The following CASK variants were observed in gnomAD, a reference collection of about 807,000 sequenced individuals.
CASK encodes the protein peripheral plasma membrane protein CASK.
A neutral mutation model predicts 82.9 loss-of-function variants in CASK; 4 were observed. The ratio of observed to expected loss-of-function variants is 0.05; its 90% CI spans 0.02 to 0.11. The LOEUF (loss-of-function observed/expected upper bound fraction) is 0.11. CASK is among the 10% of genes least tolerant of loss of function. The probability of loss-of-function intolerance (pLI) is 1.00; values close to 1 mark genes in which losing one functional copy is unlikely to be tolerated. For synonymous variants in CASK, 259 were observed against 253.5 expected (o/e 1.02, Z -0.20); for missense variants, 358 against 720.9 (o/e 0.50, Z 5.76).
chrX:41,852,303 A>T (rs1423206893), intron 2 of CASK, among the ~76,000 whole-genome samples: 2 of 111,619 alleles, frequency 1.8e-5, no homozygotes, highest in Admixed American at 1.9e-4. Context: ...ACACTGCCCT[A>T]GATTTTCCAA....
At chrX:41,782,247 G>A (rs2069493587) in intron 3 of CASK, among the ~76,000 whole-genome samples, 1 of 111,648 alleles carries the variant, frequency 9.0e-6, no homozygotes, top group South Asian at 3.7e-4. Flanking sequence ...CCAGTATGCT[G>A]GGGTTTATTA....
chrX:41,791,375 A>G (rs1457597375), intron 2 of CASK, among the ~76,000 whole-genome samples: 3 of 108,186 alleles, frequency 2.8e-5, no homozygotes, highest in African/African-American at 6.8e-5. Flanking sequence ...GCTCTGACAT[A>G]CTAGTGAGAA....
chrX:41,793,374 G>A (rs2069777381), intron 2 of CASK, among the ~76,000 whole-genome samples: 1 of 111,662 alleles, frequency 9.0e-6, no homozygotes, highest in Non-Finnish European at 1.9e-5. Context: ...ACACCACAGT[G>A]CCTCCTGGGT....
At chrX:41,764,955 G>C (rs2069082141) in intron 3 of CASK, among the ~76,000 whole-genome samples, 1 of 112,248 alleles carries the variant, frequency 8.9e-6, no homozygotes, top group African/African-American at 3.2e-5. Context: ...AGCTCTCAAT[G>C]GTGTGTATAA....
chrX:41,606,550 G>A (rs1191151764), intron 12 of CASK, among the ~76,000 whole-genome samples: 1 of 111,872 alleles, frequency 8.9e-6, no homozygotes, highest in East Asian at 2.8e-4. Flanking sequence ...ACCGTACCTG[G>A]CCTAAACTTT....
At chrX:41,864,217 C>A (rs983658892) in intron 1 of CASK, among the ~76,000 whole-genome samples, 1 of 111,326 alleles carries the variant, frequency 9.0e-6, no homozygotes, top group Non-Finnish European at 1.9e-5. Context: ...GTCACCAATA[C>A]GCCTCTCTCT....
chrX:41,714,048 G>T (rs967003727), intron 5 of CASK, among the ~76,000 whole-genome samples: 1 of 111,901 alleles, frequency 8.9e-6, no homozygotes, highest in African/African-American at 3.2e-5. Context: ...TGACAAAAGG[G>T]CTAAGGTCCC....
rs1000632606 is a variant in CASK, at chrX:41,516,807, G to C, written c.*3613C>G. 2.7e-5 allele frequency: 3 copies of C among 110,454 alleles called. No homozygotes were observed. Among genetic ancestry groups the C allele is most frequent in the African/African-American group, 9.9e-5 (3 of 30,300 alleles). 9.1% of individuals were successfully genotyped at this position (110,454 alleles called of 1,213,427 possible). A position where few individuals can be genotyped will look rare whatever the true frequency, so the allele number is the denominator to read the frequency against. On this transcript the variant is annotated 3_prime_UTR_variant, in exon 27 of 27. Transcript: ENST00000378163. ...AATTTGTTAATCAAGCAGTTTTCTT[G>C]GTAGCTTTAGCAACACATTCTCTTT...
intron 2 of CASK, among the ~76,000 whole-genome samples, chrX:41,829,735 A>ATATACG (rs2070754956): frequency 2.9e-5 from 1 of 34,821 alleles, no homozygotes; most frequent in Non-Finnish European, 5.1e-5. Flanking sequence ...ATATATATAT[A>ATATACG]TATATATATA....
chrX:41,830,646 C>T (rs1346387588), intron 2 of CASK, among the ~76,000 whole-genome samples: 3 of 106,975 alleles, frequency 2.8e-5, no homozygotes, highest in African/African-American at 1.0e-4. Flanking sequence ...CGGTGAAACC[C>T]CGTCTCTACT....
At chrX:41,851,019 T>G (rs1265999557) in intron 2 of CASK, among the ~76,000 whole-genome samples, 1 of 111,578 alleles carries the variant, frequency 9.0e-6, no homozygotes, top group Non-Finnish European at 1.9e-5. Flanking sequence ...ACTGAGTCGC[T>G]GTGCTAAAGA....
At chrX:41,644,166 T>C (rs1336615192) in intron 8 of CASK, among the ~76,000 whole-genome samples, 2 of 111,737 alleles carry the variant, frequency 1.8e-5, no homozygotes, top group African/African-American at 6.5e-5. Context: ...TGCTGCTGTA[T>C]TCGGTTTACC....
intron 22 of CASK, among the ~76,000 whole-genome samples, chrX:41,540,928 G>A (rs958802640): frequency 1.8e-5 from 2 of 112,383 alleles, no homozygotes; most frequent in Non-Finnish European, 3.8e-5. Flanking sequence ...ACCTCTATTA[G>A]TACAGCATAA....
intron 5 of CASK, among the ~76,000 whole-genome samples, chrX:41,733,033 G>A (rs752874651): frequency 4.1e-4 from 45 of 109,732 alleles, no homozygotes; most frequent in Admixed American, 2.5e-3. Context: ...AAAATTAGCT[G>A]AGCGTAGTGG....
At chrX:41,670,590 TA>T (rs1168366739) in intron 6 of CASK, among the ~76,000 whole-genome samples, 2 of 110,647 alleles carry the variant, frequency 1.8e-5, no homozygotes, top group Non-Finnish European at 3.8e-5. Context: ...CTACTAAAAA[TA>T]AAAAAAGTTT....
At position 41,921,649 on chromosome X, in the gene CASK, T is replaced by TCAGACC. The variant is rs759642690; in HGVS notation, c.59+1280_59+1281insGGTCTG. ...GGGCAAGGAGTAACATGTCCTCACATCAATTGGGTCTGAGTAAAGTGTGTA... is the reference window on the plus strand; with the variant it reads ...GGGCAAGGAGTAACATGTCCTCACATCAGACCCAATTGGGTCTGAGTAAAGTGTGTA... On this transcript the variant is annotated intron_variant, in intron 1 of 26. Coordinates refer to ENST00000378163, the MANE Select transcript of CASK (RefSeq NM_001367721.1). Among the ~76,000 whole-genome samples, 22 of 111,025 alleles carry TCAGACC rather than the reference T, an allele frequency of 2.0e-4. No individual in the cohort carries two copies. The South Asian group carries it at 8.4e-3, about 42-fold the overall frequency.
chrX:41,650,553 T>G (rs1361930617), intron 8 of CASK, among the ~76,000 whole-genome samples: 1 of 108,750 alleles, frequency 9.2e-6, no homozygotes, highest in Admixed American at 9.9e-5. Context: ...TTTTTTTTCT[T>G]TTTGTGGAGA....
chrX:41,674,982 G>T (rs2067246308), intron 5 of CASK, among the ~76,000 whole-genome samples: 1 of 111,429 alleles, frequency 9.0e-6, no homozygotes, highest in African/African-American at 3.3e-5. Flanking sequence ...TAAATACATG[G>T]GTTTTTGTTT....
At chrX:41,638,385 CTA>C (rs965045989) in intron 8 of CASK, among the ~76,000 whole-genome samples, 2 of 109,682 alleles carry the variant, frequency 1.8e-5, no homozygotes, top group Non-Finnish European at 3.8e-5. Flanking sequence ...GAACCTGTCT[CTA>C]TGAAAAAATT....
Sources: gnomAD v4.1 joint callset for allele counts (sites outside exome capture counted in the v4.1 genomes callset) on GRCh38, gnomAD v4.1.1 for gene constraint, MANE v1.5 for transcripts, NCBI Gene and HGNC (gene_info 2026-07-23, HGNC 2026-07-21) for gene names.